Variants in PARD3 observed in about 807,000 individuals in gnomAD.
PARD3 encodes the protein partitioning defective 3 homolog.
PARD3 carries 75 observed loss-of-function variants against 155.4 expected under a neutral mutation model. The observed-to-expected ratio is 0.48, with a 90% CI of 0.40 to 0.58. The LOEUF (loss-of-function observed/expected upper bound fraction) is 0.58. PARD3 is among the 20% of genes least tolerant of loss of function. The probability of loss-of-function intolerance (pLI) is 0.00; values close to 1 mark genes in which losing one functional copy is unlikely to be tolerated. For missense variants in PARD3, 1,642 were observed against 1,721.7 expected, an observed-to-expected ratio of 0.95 and a Z score of 0.82; for synonymous variants, 576 against 610.5, an observed-to-expected ratio of 0.94 and a Z score of 0.83.
intron 14 of PARD3, among the ~76,000 whole-genome samples, chr10:34,349,979 C>G (rs535062538): frequency 1.3e-5 from 2 of 152,230 alleles, no homozygotes; most frequent in East Asian, 3.9e-4. Flanking sequence ...CAGAAAAAAA[C>G]CAAGCACTTG....
intron 21 of PARD3, among the ~76,000 whole-genome samples, chr10:34,277,464 C>T (rs563183058): frequency 1.3e-5 from 2 of 152,206 alleles, no homozygotes; most frequent in South Asian, 2.1e-4. Flanking sequence ...AATTTCTTAC[C>T]CTGGTAACAG....
intron 22 of PARD3, among the ~76,000 whole-genome samples, chr10:34,176,251 T>C (rs1950027781): frequency 6.6e-6 from 1 of 152,198 alleles, no homozygotes; most frequent in Non-Finnish European, 1.5e-5. Flanking sequence ...AATTTCAATT[T>C]TAAAAATTGT....
At chr10:34,298,511 G>A (rs1957012125) in intron 20 of PARD3, among the ~76,000 whole-genome samples, 1 of 152,184 alleles carries the variant, frequency 6.6e-6, no homozygotes, top group African/African-American at 2.4e-5. Flanking sequence ...GATAAATACC[G>A]ATTCGGCTTA....
intron 3 of PARD3, among the ~76,000 whole-genome samples, chr10:34,481,962 G>A (rs967983021): frequency 6.6e-6 from 1 of 151,212 alleles, no homozygotes; most frequent in Non-Finnish European, 1.5e-5. Context: ...CTCCTATGTA[G>A]CTGGGACCAC....
At chr10:34,716,779 AC>A (rs1212118574) in intron 1 of PARD3, among the ~76,000 whole-genome samples, 1 of 151,636 alleles carries the variant, frequency 6.6e-6, no homozygotes, top group African/African-American at 2.4e-5. Flanking sequence ...TTTAGTAGGG[AC>A]AGGGTTTCTC....
chr10:34,136,238 T>C (rs1033010772), intron 22 of PARD3, among the ~76,000 whole-genome samples: 27 of 152,174 alleles, frequency 1.8e-4, no homozygotes, highest in Admixed American at 1.7e-3. Flanking sequence ...GTCCAGATAG[T>C]CTTGTTTCTC....
At chr10:34,756,823 G>A (rs966210395) in intron 1 of PARD3, among the ~76,000 whole-genome samples, 5 of 152,098 alleles carry the variant, frequency 3.3e-5, no homozygotes, top group African/African-American at 7.2e-5. Context: ...GCAAAGCTCC[G>A]AGTTCCTGGT....
chr10:34,739,333 A>T (rs936400642), intron 1 of PARD3, among the ~76,000 whole-genome samples: 1 of 152,262 alleles, frequency 6.6e-6, no homozygotes, highest in African/African-American at 2.4e-5. Flanking sequence ...GCAGTTTTTA[A>T]TAAATCTAAA....
chr10:34,127,717 T>C (rs1022166398), intron 23 of PARD3, among the ~76,000 whole-genome samples: 11 of 152,238 alleles, frequency 7.2e-5, no homozygotes, highest in African/African-American at 2.7e-4. Flanking sequence ...GGCGGGGCTG[T>C]GCCAGGTTGG....
intron 1 of PARD3, among the ~76,000 whole-genome samples, chr10:34,710,315 C>T (rs1197458165): frequency 6.6e-6 from 1 of 152,204 alleles, no homozygotes; most frequent in African/African-American, 2.4e-5. Flanking sequence ...AAAAGAACTG[C>T]TATGCACAAC....
intron 2 of PARD3, among the ~76,000 whole-genome samples, chr10:34,656,174 C>A (rs1466728390): frequency 6.6e-6 from 1 of 152,142 alleles, no homozygotes; most frequent in Non-Finnish European, 1.5e-5. Flanking sequence ...CCCCCATAAA[C>A]CACAAAAATT....
intron 1 of PARD3, among the ~76,000 whole-genome samples, chr10:34,791,284 C>T (rs957611260): frequency 4.6e-5 from 7 of 152,160 alleles, no homozygotes; most frequent in African/African-American, 1.7e-4. Context: ...CAGGTAGAAG[C>T]CACTGGCCTG....
intron 2 of PARD3, among the ~76,000 whole-genome samples, chr10:34,532,525 A>G (rs572586544): frequency 1.3e-5 from 2 of 148,618 alleles, no homozygotes; most frequent in South Asian, 4.3e-4. Context: ...GAACTGTGTG[A>G]AGTGCTGCTT....
At chr10:34,702,435 T>C (rs1430078154) in intron 1 of PARD3, among the ~76,000 whole-genome samples, 3 of 152,056 alleles carry the variant, frequency 2.0e-5, no homozygotes, top group African/African-American at 7.2e-5. Context: ...TGAAAGTCTG[T>C]AGTAATTAAA....
intron 3 of PARD3, among the ~76,000 whole-genome samples, chr10:34,476,688 T>C (rs2078728117): frequency 6.6e-6 from 1 of 152,024 alleles, no homozygotes; most frequent in Non-Finnish European, 1.5e-5. Flanking sequence ...CCAGTGATCA[T>C]CCACCAAACC....
intron 2 of PARD3, among the ~76,000 whole-genome samples, chr10:34,643,956 CAA>C (rs2092757779): frequency 6.6e-6 from 1 of 152,100 alleles, no homozygotes; most frequent in Admixed American, 6.6e-5. Context: ...ACAAAACACA[CAA>C]GAGTGGAAGA....
intron 3 of PARD3, among the ~76,000 whole-genome samples, chr10:34,486,361 G>C (rs2079470283): frequency 6.6e-6 from 1 of 152,152 alleles, no homozygotes; most frequent in Non-Finnish European, 1.5e-5. Flanking sequence ...CATTCAGTTG[G>C]TTAGGGGTCT....
At chr10:34,555,559 T>A (rs188281549) in intron 2 of PARD3, among the ~76,000 whole-genome samples, 1 of 152,356 alleles carries the variant, frequency 6.6e-6, no homozygotes, top group African/African-American at 2.4e-5. Context: ...CAACTTTTGC[T>A]TTAAATATTA....
chr10:34,170,442 C>T (rs1004113280), intron 22 of PARD3, among the ~76,000 whole-genome samples: 11 of 152,268 alleles, frequency 7.2e-5, no homozygotes, highest in African/African-American at 2.6e-4. Context: ...TTGAGTGCCT[C>T]CTCTGAGTTA....
Sources: gnomAD v4.1 joint callset for allele counts (sites outside exome capture counted in the v4.1 genomes callset) on GRCh38, gnomAD v4.1.1 for gene constraint, MANE v1.5 for transcripts, NCBI Gene and HGNC (gene_info 2026-07-23, HGNC 2026-07-21) for gene names.